IFTAP: variants seen among roughly 807,000 people sequenced by gnomAD.
IFTAP encodes the protein intraflagellar transport associated protein, also known as intraflagellar transport-associated protein.
A neutral mutation model predicts 19.4 loss-of-function variants in IFTAP; 19 were observed. The observed-to-expected ratio is 0.98, with a 90% CI of 0.68 to 1.44. IFTAP has a LOEUF of 1.44. Among genes scored for constraint, IFTAP ranks in the 40% most tolerant of loss-of-function variants. IFTAP has a pLI of 0.00. For synonymous variants in IFTAP, 85 were observed against 83.5 expected (o/e 1.02, Z -0.10); for missense variants, 240 against 253.6 (o/e 0.95, Z 0.36).
Position 36,610,251 on chromosome 11 carries a change from A to C in IFTAP, c.136+12A>C. ...TCATCTTTCACAAGGTAAAATGGAGAAGTAAACTTTCTGCAGCAATGGAGA... is the reference window on the plus strand; with the variant it reads ...TCATCTTTCACAAGGTAAAATGGAGCAGTAAACTTTCTGCAGCAATGGAGA... On this transcript the variant is annotated intron_variant, in intron 2 of 5. Transcript: ENST00000334307. The C allele has an allele frequency of 6.3e-7, 1 of 1,590,436 alleles. No homozygotes were observed. Among genetic ancestry groups the C allele is most frequent in the Non-Finnish European group, 8.6e-7 (1 of 1,165,228 alleles).
chr11:36,628,122 T>A (rs1172816913), intron 2 of IFTAP, among the ~76,000 whole-genome samples: 3 of 150,990 alleles, frequency 2.0e-5, no homozygotes, highest in Non-Finnish European at 2.9e-5. Context: ...CTGAACCACT[T>A]TGATCCATTC....
intron 4 of IFTAP, among the ~76,000 whole-genome samples, chr11:36,637,272 A>G (rs200926748): frequency 0.012 from 1,819 of 152,330 alleles, 21 homozygotes; most frequent in East Asian, 0.031. Flanking sequence ...TCTGCTTTCA[A>G]GCATCACACT....
chr11:36,609,025 C>T (rs1851787297), intron 1 of IFTAP, among the ~76,000 whole-genome samples: 1 of 152,162 alleles, frequency 6.6e-6, no homozygotes, highest in Admixed American at 6.5e-5. Context: ...ATTTGGGATA[C>T]AAAGATGAAG....
rs113412592 is a variant in IFTAP, at chr11:36,636,200, G to A, written c.358+83G>A. ...GGCTTTAGACAGCTTTCCTGTTTTTGGCAATTCTTACCTCCACCTCTCCTA... is the reference window on the plus strand; with the variant it reads ...GGCTTTAGACAGCTTTCCTGTTTTTAGCAATTCTTACCTCCACCTCTCCTA... On this transcript the variant is annotated intron_variant, in intron 4 of 5. Coordinates refer to ENST00000334307, the MANE Select transcript of IFTAP (RefSeq NM_138787.4). The A allele has an allele frequency of 3.1e-5, 34 of 1,090,516 alleles. No homozygotes were observed. The African/African-American group carries it at 4.6e-4, about 15-fold the overall frequency. The allele number at this position is 1,090,516 out of a possible 1,614,324, so 67.6% of individuals were successfully genotyped here.
intron 2 of IFTAP, 125 bp from the exon 3 acceptor site, chr11:36,633,159 G>A: frequency 1.2e-6 from 1 of 824,036 alleles, no homozygotes. Flanking sequence ...TGCCTCAAGG[G>A]TTCGGTTTGT....
Position 36,659,155 on chromosome 11 carries a change from C to G in IFTAP, c.635C>G (p.Thr212Ser). ...ELCKQQKRKDTSPDLEKSCD is the reference protein window; with the variant it reads ...ELCKQQKRKDSSPDLEKSCD ...TGCAAGCAGCAGAAGAGAAAGGACA[C>G]CAGCCCAGACTTAGAGAAATCCTGT... is the stretch of plus-strand genomic sequence containing the variant. Residue 212 changes from threonine (T) to serine (S), a missense_variant, in exon 6 of 6, where the codon ACC becomes AGC. Coordinates refer to ENST00000334307, the MANE Select transcript of IFTAP (RefSeq NM_138787.4). 1.3e-6 allele frequency: 2 copies of G among 1,598,970 alleles called. No individual in the cohort carries two copies. The highest frequency in any genetic ancestry group is 1.7e-6 in the Non-Finnish European group (2 of 1,174,014).
At chr11:36,635,226 C>T (rs1852896854) in intron 3 of IFTAP, among the ~76,000 whole-genome samples, 1 of 152,150 alleles carries the variant, frequency 6.6e-6, no homozygotes, top group South Asian at 2.1e-4. Flanking sequence ...ATGTTTAGGT[C>T]ATGAGCATAA....
At chr11:36,628,463 A>G (rs1223435487) in intron 2 of IFTAP, among the ~76,000 whole-genome samples, 1 of 151,124 alleles carries the variant, frequency 6.6e-6, no homozygotes, top group Non-Finnish European at 1.5e-5. Flanking sequence ...TTGTGTTTCT[A>G]TCTCTCTTAT....
chr11:36,619,145 G>A (rs1050407942), intron 2 of IFTAP, among the ~76,000 whole-genome samples: 2 of 151,628 alleles, frequency 1.3e-5, no homozygotes, highest in Non-Finnish European at 2.9e-5. Context: ...TTGAGCGTTC[G>A]TTCTGTCAAG....
In IFTAP at chr11:36,639,018, A is replaced by G. The variant is rs113066096; in HGVS notation, c.358+2901A>G. 5.3e-3 allele frequency among the ~76,000 whole-genome samples: 814 copies of G among 152,330 alleles called. 10 individuals are homozygous for G. The highest frequency in any genetic ancestry group is 0.018 in the African/African-American group (754 of 41,564). The stretch of plus-strand genomic sequence containing the variant: ...GGTGCACTGTGTTTATTTGACATCA[A>G]GTTAACCTATTCTTCCTTTTTTGAA... On this transcript the variant is annotated intron_variant, in intron 4 of 5. Coordinates refer to ENST00000334307, the MANE Select transcript of IFTAP (RefSeq NM_138787.4).
chr11:36,627,560 CA>C (rs1471510887), intron 2 of IFTAP, among the ~76,000 whole-genome samples: 1 of 150,926 alleles, frequency 6.6e-6, no homozygotes, highest in South Asian at 2.1e-4. Context: ...GGCTGTGGTG[CA>C]AAAAAGAAAC....
At chr11:36,648,371 G>T in intron 5 of IFTAP, 1 of 544,286 alleles carries the variant, frequency 1.8e-6, no homozygotes, top group Middle Eastern at 4.8e-4. Context: ...AACCATTTTT[G>T]TTTTACAGTG....
intron 4 of IFTAP, among the ~76,000 whole-genome samples, chr11:36,645,089 G>A (rs1211897588): frequency 1.3e-5 from 2 of 152,112 alleles, no homozygotes; most frequent in Middle Eastern, 3.4e-3. Context: ...AGACTTTCAG[G>A]AAATGTTGGC....
intron 5 of IFTAP, among the ~76,000 whole-genome samples, chr11:36,658,466 G>A (rs974603498): frequency 2.6e-5 from 4 of 152,118 alleles, no homozygotes; most frequent in Non-Finnish European, 5.9e-5. Flanking sequence ...GAAACAAAGA[G>A]ATCCTGGACT....
In IFTAP at chr11:36,648,164, C is replaced by T; in HGVS notation, c.498+9C>T. The T allele has an allele frequency of 6.2e-7, 1 of 1,611,424 alleles. No homozygotes were observed. Among genetic ancestry groups the T allele is most frequent in the Non-Finnish European group, 8.5e-7 (1 of 1,178,580 alleles). ...ACAAACAGACGGAAGAGGTACTCCA[C>T]AGGGAATTCAGTCATTCTCCACACT... On this transcript the variant is annotated intron_variant, in intron 5 of 5. Coordinates refer to ENST00000334307, the MANE Select transcript of IFTAP (RefSeq NM_138787.4).
chr11:36,627,387 A>G lies in IFTAP; in HGVS notation c.137-5897A>G, dbSNP rs558257780. On this transcript the variant is annotated intron_variant, in intron 2 of 5. Coordinates refer to ENST00000334307, the MANE Select transcript of IFTAP (RefSeq NM_138787.4). ...GGAAGTGGAGGTATTGTTCATGGAT[A>G]CTTAGATACTTAGATCCTCCCTGGG... 5.0e-4 allele frequency among the ~76,000 whole-genome samples: 75 copies of G among 151,312 alleles called. No individual in the cohort carries two copies. The South Asian group carries it at 0.015, about 31-fold the overall frequency.
At chr11:36,626,367 G>A (rs549805533) in intron 2 of IFTAP, among the ~76,000 whole-genome samples, 1 of 151,254 alleles carries the variant, frequency 6.6e-6, no homozygotes, top group Non-Finnish European at 1.5e-5. Flanking sequence ...AAAATTTTAA[G>A]GGACTAGATT....
At chr11:36,608,825 A>T (rs114096801) in intron 1 of IFTAP, among the ~76,000 whole-genome samples, 3,893 of 152,276 alleles carry the variant, frequency 0.026, 166 homozygotes, top group African/African-American at 0.088. Flanking sequence ...TTTTTTCCAG[A>T]TAGATTGATC....
At chr11:36,655,245 A>G (rs769104067) in intron 5 of IFTAP, among the ~76,000 whole-genome samples, 1 of 152,090 alleles carries the variant, frequency 6.6e-6, no homozygotes, top group Non-Finnish European at 1.5e-5. Context: ...TGGTCTGCTC[A>G]TGGAAACTCC....
Sources: gnomAD v4.1 joint callset for allele counts (sites outside exome capture counted in the v4.1 genomes callset) on GRCh38, gnomAD v4.1.1 for gene constraint, MANE v1.5 for transcripts, NCBI Gene and HGNC (gene_info 2026-07-23, HGNC 2026-07-21) for gene names.